ABCD2: variants seen among roughly 807,000 people sequenced by gnomAD.
ABCD2 encodes the protein ATP binding cassette subfamily D member 2.
Under a neutral mutation model 70.9 loss-of-function variants are expected in ABCD2, and 36 were observed. The observed-to-expected ratio is 0.51, with a 90% CI of 0.39 to 0.67. The LOEUF (loss-of-function observed/expected upper bound fraction) is 0.67, where lower values mean the gene tolerates loss of function less well. ABCD2 is among the 30% of genes least tolerant of loss of function. The pLI is 0.00. For synonymous variants in ABCD2, 304 were observed against 306.9 expected, an observed-to-expected ratio of 0.99 and a Z score of 0.10; for missense variants, 729 against 890.2, an observed-to-expected ratio of 0.82 and a Z score of 2.30.
rs1444786805 is a variant in ABCD2, at chr12:39,579,508, G to A, written c.1877+27C>T. Reference sequence around the variant, plus strand: ...TTGGTTTGGTTACAACAATGGCCTAGTAGTTACCTGAATTTAGTATACTTA... The same window carrying A: ...TTGGTTTGGTTACAACAATGGCCTAATAGTTACCTGAATTTAGTATACTTA... On this transcript the variant is annotated intron_variant, in intron 8 of 9. Coordinates refer to ENST00000308666, the MANE Select transcript of ABCD2 (RefSeq NM_005164.4). 1.9e-6 allele frequency: 3 copies of A among 1,542,286 alleles called. No individual in the cohort carries two copies. In the South Asian group the frequency reaches 3.4e-5, roughly 17 times the overall value.
At chr12:39,565,661 C>T (rs1270884346) in intron 9 of ABCD2, among the ~76,000 whole-genome samples, 1 of 152,130 alleles carries the variant, frequency 6.6e-6, no homozygotes, top group Non-Finnish European at 1.5e-5. Context: ...ACTTCTAACA[C>T]TATGTTGAAT....
intron 9 of ABCD2, among the ~76,000 whole-genome samples, chr12:39,561,798 G>A (rs895190702): frequency 6.6e-6 from 1 of 152,010 alleles, no homozygotes; most frequent in African/African-American, 2.4e-5. Flanking sequence ...AGAAAATCAA[G>A]AAAGAAACAC....
chr12:39,542,637 T>G, the ABCD2 span, among the ~76,000 whole-genome samples: 12 of 152,232 alleles, frequency 7.9e-5, no homozygotes, highest in East Asian at 2.3e-3. Flanking sequence ...GGGGTCACAA[T>G]GAATAGGATT....
At chr12:39,563,515 G>C (rs1941292810) in intron 9 of ABCD2, among the ~76,000 whole-genome samples, 1 of 151,418 alleles carries the variant, frequency 6.6e-6, no homozygotes, top group Non-Finnish European at 1.5e-5. Context: ...AGAGCAATTA[G>C]GCAAGAAAAA....
At chr12:39,537,122 G>C in the ABCD2 span, among the ~76,000 whole-genome samples, 1 of 151,626 alleles carries the variant, frequency 6.6e-6, no homozygotes, top group African/African-American at 2.4e-5. Context: ...TTAGGAGATT[G>C]TCCAAATTTC....
Position 39,579,585 on chromosome 12 carries a change from C to G in ABCD2, c.1827G>C (p.Leu609=). The stretch of plus-strand genomic sequence containing the variant: ...CCATTCTTTGCTTTTCCCCTCCTGA[C>G]AGGACATCTTTCCAGTCCATAACAG... ...WDAVMDWKDV[L]SGGEKQRMGM... Residue 609 remains leucine (L), a synonymous_variant, in exon 8 of 10, where the codon CTG becomes CTC. Coordinates refer to ENST00000308666, the MANE Select transcript of ABCD2 (RefSeq NM_005164.4). The G allele has an allele frequency of 1.9e-6, 3 of 1,613,062 alleles. No individual in the cohort carries two copies. The highest frequency in any genetic ancestry group is 2.2e-5 in the South Asian group (2 of 90,982).
chr12:39,596,882 G>T (rs76612569), intron 6 of ABCD2, among the ~76,000 whole-genome samples: 2,252 of 152,150 alleles, frequency 0.015, 39 homozygotes, highest in African/African-American at 0.05. Flanking sequence ...CACAGTATTT[G>T]CATATCACCA....
At chr12:39,546,930 C>T (rs1941030910), downstream of ABCD2, among the ~76,000 whole-genome samples, 1 of 149,056 alleles carries the variant, frequency 6.7e-6, no homozygotes, top group South Asian at 2.1e-4. Context: ...TAAGGGGAAA[C>T]AGCTATTTGG....
rs1311979127 is a variant in ABCD2, at chr12:39,584,407, C to T, written c.1792+1745G>A. On this transcript the variant is annotated intron_variant, in intron 7 of 9. Coordinates refer to ENST00000308666, the MANE Select transcript of ABCD2 (RefSeq NM_005164.4). ...AATTTGTTTAAGTACCTTATAGATG[C>T]TAGATATTAGACTTTTGTCAGATGC... Among the ~76,000 whole-genome samples, 3 of 152,112 alleles carry T rather than the reference C, an allele frequency of 2.0e-5. No homozygotes were observed. In the East Asian group the frequency reaches 5.8e-4, roughly 29 times the overall value.
At chr12:39,581,594 T>C (rs558035749) in intron 7 of ABCD2, among the ~76,000 whole-genome samples, 3 of 152,320 alleles carry the variant, frequency 2.0e-5, no homozygotes, top group African/African-American at 7.2e-5. Context: ...ATTTATGAAA[T>C]GTAAGTGATG....
At position 39,600,595 on chromosome 12, in the gene ABCD2, T is replaced by C; in HGVS notation, c.1622A>G (p.Gln541Arg). 6.2e-7 allele frequency: 1 copy of C among 1,605,540 alleles called. No individual in the cohort carries two copies. Among genetic ancestry groups the C allele is most frequent in the Non-Finnish European group, 8.5e-7 (1 of 1,176,792 alleles). Residue 541 changes from glutamine to arginine, a missense_variant, in exon 6 of 10, where the codon CAA becomes CGA. This residue lies in a region of ABCD2 where 289 missense variants were observed against 328.8 expected (regional missense o/e 0.88). Coordinates refer to ENST00000308666, the MANE Select transcript of ABCD2 (RefSeq NM_005164.4). ...YEGVLYKPPP[Q>R]HMFYIPQRPY... is the part of the protein sequence containing the mutation. ...CCTTTGTGGAATATAAAACATATGTTGAGGAGGTGGTTTATAGAGGACTCC... is the reference window on the plus strand; with the variant it reads ...CCTTTGTGGAATATAAAACATATGTCGAGGAGGTGGTTTATAGAGGACTCC...
chr12:39,538,076 G>T, the ABCD2 span, among the ~76,000 whole-genome samples: 4 of 152,038 alleles, frequency 2.6e-5, no homozygotes, highest in Non-Finnish European at 4.4e-5. Context: ...CCTCTAGAGG[G>T]TATTTAAACC....
At chr12:39,555,728 C>A (rs1941154918) in intron 9 of ABCD2, among the ~76,000 whole-genome samples, 1 of 152,156 alleles carries the variant, frequency 6.6e-6, no homozygotes, top group South Asian at 2.1e-4. Flanking sequence ...GCAGACTGAG[C>A]CTCTGAACCT....
intron 9 of ABCD2, among the ~76,000 whole-genome samples, chr12:39,567,326 G>T (rs1017165349): frequency 6.6e-6 from 1 of 152,172 alleles, no homozygotes; most frequent in Non-Finnish European, 1.5e-5. Context: ...TGTATTGGGT[G>T]CATATATATT....
At chr12:39,557,977 G>C (rs959677806) in intron 9 of ABCD2, among the ~76,000 whole-genome samples, 2 of 152,198 alleles carry the variant, frequency 1.3e-5, no homozygotes, top group African/African-American at 2.4e-5. Flanking sequence ...GCTGTGAGAA[G>C]AGGGCCACCA....
chr12:39,538,154 T>C, the ABCD2 span, among the ~76,000 whole-genome samples: 1 of 151,466 alleles, frequency 6.6e-6, no homozygotes, highest in African/African-American at 2.4e-5. Flanking sequence ...TGGAGTGTAC[T>C]TTCATTTTCT....
At chr12:39,573,588 C>T (rs1941476963) in intron 9 of ABCD2, 128 bp downstream of exon 9, 1 of 1,008,568 alleles carries the variant, frequency 9.9e-7, no homozygotes, top group South Asian at 2.4e-5. Context: ...TAATGTGCAA[C>T]TTAAGAGAAA....
intron 6 of ABCD2, among the ~76,000 whole-genome samples, chr12:39,598,378 A>T (rs1941848550): frequency 6.6e-6 from 1 of 152,186 alleles, no homozygotes; most frequent in Non-Finnish European, 1.5e-5. Context: ...TTTGATTATT[A>T]TGAATTAATA....
chr12:39,589,676 C>G (rs146560220), intron 6 of ABCD2, among the ~76,000 whole-genome samples: 1 of 151,870 alleles, frequency 6.6e-6, no homozygotes, highest in Non-Finnish European at 1.5e-5. Flanking sequence ...TGTGAGCCAC[C>G]GCACCCAGCC....
Sources: gnomAD v4.1 joint callset for allele counts (sites outside exome capture counted in the v4.1 genomes callset) on GRCh38, gnomAD v4.1.1 for gene constraint, gnomAD v4.1.1 regional missense constraint, MANE v1.5 for transcripts, NCBI Gene and HGNC (gene_info 2026-07-23, HGNC 2026-07-21) for gene names.